Variants in ZNF263 observed in about 807,000 individuals in gnomAD.
ZNF263 encodes the protein zinc finger protein 263.
A neutral mutation model predicts 63.1 loss-of-function variants in ZNF263; 49 were observed. That is an observed-to-expected ratio of 0.78 (90% CI 0.62 to 0.99). The LOEUF (loss-of-function observed/expected upper bound fraction) is 0.99, where lower values mean the gene tolerates loss of function less well. ZNF263 is among the 50% of genes least tolerant of loss of function. The probability of loss-of-function intolerance (pLI) is 0.00; values close to 1 mark genes in which losing one functional copy is unlikely to be tolerated. For missense variants in ZNF263, 872 were observed against 854.8 expected (o/e 1.02, Z -0.25); for synonymous variants, 352 against 324.2 (o/e 1.09, Z -0.92).
Position 3,284,211 on chromosome 16 carries a change from A to G in ZNF263, c.387+6A>G. On this transcript the variant is annotated splice_donor_region_variant and intron_variant, in intron 1 of 5. Coordinates refer to ENST00000219069, the MANE Select transcript of ZNF263 (RefSeq NM_005741.5). ...TTGGGAGACTGAGACAACAGGTGAG[A>G]GAGAGAGAGAGCTGTTTTATCTGTG... 6.6e-7 allele frequency: 1 copy of G among 1,515,572 alleles called. No homozygotes were observed. The highest frequency in any genetic ancestry group is 8.8e-7 in the Non-Finnish European group (1 of 1,130,308). 93.9% of individuals were successfully genotyped at this position (1,515,572 alleles called of 1,614,324 possible). A position where few individuals can be genotyped will look rare whatever the true frequency, so the allele number is the denominator to read the frequency against.
rs748358164 is a variant in ZNF263, at chr16:3,283,905, C to G, written c.87C>G (p.Pro29=). 7 of 1,612,126 alleles carry G rather than the reference C, an allele frequency of 4.3e-6. No individual in the cohort carries two copies. The highest frequency in any genetic ancestry group is 4.0e-5 in the African/African-American group (3 of 74,894). Residue 29 remains proline, a synonymous_variant, in exon 1 of 6, where the codon CCC becomes CCG. Transcript: ENST00000219069. ...ACTGCGCCTGGAGCCAGGAGCTGCC[C>G]CCACCTGACCCAGGACCGAGCCCCG... ...EEDCAWSQEL[P]PPDPGPSPEA... is the part of the protein sequence containing the mutation.
At position 3,290,673 on chromosome 16, in the gene ZNF263, TGGG is replaced by T; in HGVS notation, c.*118_*120del. On this transcript the variant is annotated 3_prime_UTR_variant, in exon 6 of 6. Coordinates refer to ENST00000219069, the MANE Select transcript of ZNF263 (RefSeq NM_005741.5). Reference sequence around the variant, plus strand: ...AATGACCTCTGCATTCTTCAGGTAATGGGGGCTCATTGTGAGGGAGGTGCAGAG... The same window carrying T: ...AATGACCTCTGCATTCTTCAGGTAATGGCTCATTGTGAGGGAGGTGCAGAG... The T allele has an allele frequency of 6.9e-7, 1 of 1,457,032 alleles. No homozygotes were observed. Among genetic ancestry groups the T allele is most frequent in the South Asian group, 1.4e-5 (1 of 69,642 alleles). 90.3% of individuals were successfully genotyped at this position (1,457,032 alleles called of 1,614,324 possible). A position where few individuals can be genotyped will look rare whatever the true frequency, so the allele number is the denominator to read the frequency against.
chr16:3,288,700 CAACA>C (rs1959477117), intron 5 of ZNF263, 130 bp downstream of exon 5: 1 of 584,112 alleles, frequency 1.7e-6, no homozygotes, highest in African/African-American at 1.9e-5. Flanking sequence ...GGCTGGAGTG[CAACA>C]GTGCGATCTC....
At chr16:3,286,755 G>A (rs899942203) in intron 4 of ZNF263, 2 of 152,102 alleles carry the variant, frequency 1.3e-5, no homozygotes, top group Non-Finnish European at 1.5e-5. Context: ...TTATGCCTAC[G>A]GAATATGACA....
chr16:3,295,364 C>T (rs1052468863), downstream of ZNF263, among the ~76,000 whole-genome samples: 2 of 152,234 alleles, frequency 1.3e-5, no homozygotes, highest in East Asian at 3.9e-4. Context: ...CACGATCACG[C>T]CCCAGCCGCC....
At chr16:3,295,905 C>T (rs560841587), downstream of ZNF263, among the ~76,000 whole-genome samples, 1 of 152,310 alleles carries the variant, frequency 6.6e-6, no homozygotes, top group South Asian at 2.1e-4. Flanking sequence ...AGGATGTCCC[C>T]CAGGGACACT....
intron 2 of ZNF263, 140 bp from the exon 3 acceptor site, chr16:3,285,541 G>A (rs1393229801): frequency 3.6e-6 from 3 of 836,304 alleles, no homozygotes; most frequent in Non-Finnish European, 1.9e-6. Context: ...TTGGATATCA[G>A]CTGATTAGGC....
Position 3,290,867 on chromosome 16 carries a change from G to T in ZNF263, c.*309G>T, listed in dbSNP as rs1340397128. 1.8e-6 allele frequency: 2 copies of T among 1,099,240 alleles called. No homozygotes were observed. Among genetic ancestry groups the T allele is most frequent in the Non-Finnish European group, 2.2e-6 (2 of 900,334 alleles). 68.1% of individuals were successfully genotyped at this position (1,099,240 alleles called of 1,614,324 possible). ...AAGCCAAGGTGCGATTTGGGCACCT[G>T]ACTGTCCAGTTTACCTTAACAAGTT... On this transcript the variant is annotated 3_prime_UTR_variant, in exon 6 of 6. Coordinates refer to ENST00000219069, the MANE Select transcript of ZNF263 (RefSeq NM_005741.5).
chr16:3,300,354 C>T, intron 2 of ZNF263: 2 of 1,614,228 alleles, frequency 1.2e-6, no homozygotes, highest in Non-Finnish European at 1.7e-6. Context: ...TCTGTTGGTA[C>T]CACATGTAGA....
downstream of ZNF263, chr16:3,292,931 T>G (rs1959650020): frequency 6.6e-6 from 1 of 152,188 alleles, no homozygotes; most frequent in Non-Finnish European, 1.5e-5. Context: ...CGACAGATGA[T>G]CCAAAAGATT....
downstream of ZNF263, among the ~76,000 whole-genome samples, chr16:3,294,074 C>G (rs1264986061): frequency 6.6e-6 from 1 of 152,168 alleles, no homozygotes; most frequent in Admixed American, 6.5e-5. Context: ...TACAGGCGCC[C>G]GCCACCACGC....
rs982250258 is a variant in ZNF263 at position 3,297,502 on chromosome 16, T to C, written c.152-1604T>C. ...TTTTTTGAGACGGAGTCTCGCTCTG[T>C]CGCCCAGGCTGGAGTGCAGTGGCGC... On this transcript the variant is annotated intron_variant, in intron 1 of 2. Transcript: ENST00000574674. Among the ~76,000 whole-genome samples the C allele has an allele frequency of 5.3e-5, 7 of 133,146 alleles. No homozygotes were observed. The South Asian group carries it at 8.0e-4, about 15-fold the overall frequency. The allele number at this position is 133,146 out of a possible 152,430, so 87.3% of individuals were successfully genotyped here. A position where few individuals can be genotyped will look rare whatever the true frequency, so the allele number is the denominator to read the frequency against.
chr16:3,299,598 T>C (rs780462783), intron 2 of ZNF263: 2 of 1,557,660 alleles, frequency 1.3e-6, no homozygotes. Flanking sequence ...TATACAGCCG[T>C]TTGCAGCTCA....
rs749809178 is a variant in ZNF263 at position 3,288,585 on chromosome 16, C to G, written c.886+15C>G. On this transcript the variant is annotated intron_variant, in intron 5 of 5. Transcript: ENST00000219069. ...CCCAGCTCCAGGTAAGGAATGAAGA[C>G]AAGTGGCCTGCGCAGCAAGCAGCAA... 7.0e-6 allele frequency: 11 copies of G among 1,581,070 alleles called. No homozygotes were observed. Among genetic ancestry groups the G allele is most frequent in the Non-Finnish European group, 9.5e-6 (11 of 1,156,878 alleles).
downstream of ZNF263, chr16:3,293,115 C>A (rs1049940743): frequency 6.6e-6 from 1 of 152,226 alleles, no homozygotes; most frequent in Non-Finnish European, 1.5e-5. Context: ...CCACGCAAAT[C>A]TCATCTCTAA....
chr16:3,295,163 C>T (rs888177477), downstream of ZNF263, among the ~76,000 whole-genome samples: 3 of 152,216 alleles, frequency 2.0e-5, no homozygotes, highest in African/African-American at 7.2e-5. Flanking sequence ...TGCTCCGCAT[C>T]GGCTCACACG....
rs200550230 is a variant in ZNF263 at position 3,290,448 on chromosome 16, C to T, written c.1942C>T (p.Arg648Cys). The part of the protein sequence containing the change: ...DSFSHSSNRI[R>C]HLRTHTGERP... ...CTTCTCTCACAGCTCCAATCGGATTCGCCACCTGAGAACGCATACGGGAGA... is the reference window on the plus strand; with the variant it reads ...CTTCTCTCACAGCTCCAATCGGATTTGCCACCTGAGAACGCATACGGGAGA... Residue 648 changes from arginine (R) to cysteine (C), a missense_variant, in exon 6 of 6, where the codon CGC becomes TGC. Coordinates refer to ENST00000219069, the MANE Select transcript of ZNF263 (RefSeq NM_005741.5). 18 of 1,614,126 alleles carry T rather than the reference C, an allele frequency of 1.1e-5. No individual in the cohort carries two copies. Among genetic ancestry groups the T allele is most frequent in the African/African-American group, 1.1e-4 (8 of 75,028 alleles).
At chr16:3,284,230 A>T in intron 1 of ZNF263, 25 bp downstream of exon 1, 1 of 1,505,640 alleles carries the variant, frequency 6.6e-7, no homozygotes, top group East Asian at 2.3e-5. Context: ...GAGCTGTTTT[A>T]TCTGTGGTTT....
downstream of ZNF263, among the ~76,000 whole-genome samples, chr16:3,292,014 C>T (rs1012535769): frequency 4.6e-5 from 7 of 152,310 alleles, no homozygotes; most frequent in South Asian, 1.5e-3. Flanking sequence ...CTCAAGCCTT[C>T]TTCCCATCTT....
Sources: gnomAD v4.1 joint callset for allele counts (sites outside exome capture counted in the v4.1 genomes callset) on GRCh38, gnomAD v4.1.1 for gene constraint, MANE v1.5 for transcripts, NCBI Gene and HGNC (gene_info 2026-07-23, HGNC 2026-07-21) for gene names.